The following EYS variants were observed in gnomAD, a reference collection of about 807,000 sequenced individuals.
The protein encoded by EYS is EGF-like photoreceptor maintenance factor, also known as protein eyes shut homolog.
Under a neutral mutation model 282.1 loss-of-function variants are expected in EYS, and 250 were observed. The observed-to-expected ratio is 0.89, with a 90% confidence interval of 0.80 to 0.98. The LOEUF (loss-of-function observed/expected upper bound fraction) is 0.98, where lower values mean the gene tolerates loss of function less well. EYS is among the 50% of genes least tolerant of loss of function. The pLI is 0.00. For synonymous variants in EYS, 1,355 were observed against 1,282.9 expected (o/e 1.06, Z -1.20); for missense variants, 4,016 against 3,709.0 (o/e 1.08, Z -2.15).
intron 2 of EYS, among the ~76,000 whole-genome samples, chr6:65,546,853 G>A (rs7769742): frequency 6.6e-6 from 1 of 152,082 alleles, no homozygotes; most frequent in Non-Finnish European, 1.5e-5. Flanking sequence ...CTACAGGCAT[G>A]AGCGACCACA....
chr6:63,835,210 A>G (rs1771770657), intron 36 of EYS, among the ~76,000 whole-genome samples: 1 of 151,882 alleles, frequency 6.6e-6, no homozygotes, highest in South Asian at 2.1e-4. Flanking sequence ...ATAATAAAAA[A>G]TAAAAAATAA....
At chr6:65,433,889 T>G in intron 5 of EYS, among the ~76,000 whole-genome samples, 1 of 152,208 alleles carries the variant, frequency 6.6e-6, no homozygotes, top group East Asian at 1.9e-4. Context: ...TGGGTTTAAT[T>G]TGAGAATGAG....
At chr6:63,854,892 A>G (rs1772351162) in intron 36 of EYS, among the ~76,000 whole-genome samples, 1 of 152,310 alleles carries the variant, frequency 6.6e-6, no homozygotes, top group Non-Finnish European at 1.5e-5. Flanking sequence ...TTAAAATTCT[A>G]TACATCTTCT....
chr6:65,324,264 G>A (rs1226811780), intron 11 of EYS, among the ~76,000 whole-genome samples: 1 of 152,086 alleles, frequency 6.6e-6, no homozygotes, highest in Non-Finnish European at 1.5e-5. Context: ...GTCTTCTCCT[G>A]CAAGAATGTT....
At chr6:64,125,976 G>C (rs6912545) in intron 31 of EYS, among the ~76,000 whole-genome samples, 2,888 of 150,136 alleles carry the variant, frequency 0.019, 82 homozygotes, top group African/African-American at 0.066. Context: ...GTGCAGGTTT[G>C]TTACATATGT....
intron 12 of EYS, among the ~76,000 whole-genome samples, chr6:65,137,120 G>C (rs892899434): frequency 2.6e-5 from 4 of 151,852 alleles, no homozygotes; most frequent in African/African-American, 9.7e-5. Flanking sequence ...GTCCAGATAA[G>C]AAAGTAAACA....
chr6:65,468,686 A>G (rs1054317803), intron 5 of EYS, among the ~76,000 whole-genome samples: 1 of 143,774 alleles, frequency 7.0e-6, no homozygotes, highest in Non-Finnish European at 1.6e-5. Context: ...TAAAAAACAT[A>G]TACCTTGATA....
chr6:64,874,899 T>G (rs1302974578), intron 19 of EYS, among the ~76,000 whole-genome samples: 3 of 151,954 alleles, frequency 2.0e-5, no homozygotes, highest in African/African-American at 7.2e-5. Context: ...GAGCAAAGAC[T>G]TGATATAAGG....
chr6:64,092,723 A>G (rs1772415637), intron 31 of EYS, among the ~76,000 whole-genome samples: 1 of 151,672 alleles, frequency 6.6e-6, no homozygotes, highest in African/African-American at 2.4e-5. Flanking sequence ...CTCTGATGGT[A>G]GTTTCTTTTG....
chr6:63,895,905 GTTTTTTTTTTTTT>G (rs10705427), intron 35 of EYS, among the ~76,000 whole-genome samples: 1 of 124,362 alleles, frequency 8.0e-6, no homozygotes, highest in African/African-American at 3.2e-5. Context: ...ATCATGATTT[GTTTTTTTTTTTTT>G]TTTTTTTTTT....
At chr6:65,019,079 A>G (rs952686793) in intron 13 of EYS, among the ~76,000 whole-genome samples, 1 of 152,164 alleles carries the variant, frequency 6.6e-6, no homozygotes, top group Admixed American at 6.5e-5. Context: ...TTTTGTATCA[A>G]TCCGATGATT....
intron 33 of EYS, among the ~76,000 whole-genome samples, chr6:64,000,124 C>G (rs13196997): frequency 7.1e-6 from 1 of 140,620 alleles, no homozygotes; most frequent in Non-Finnish European, 1.5e-5. Context: ...TTCGATCAGA[C>G]CTTCTTGTTT....
At chr6:64,007,914 T>C (rs1313424272) in intron 33 of EYS, among the ~76,000 whole-genome samples, 3 of 152,208 alleles carry the variant, frequency 2.0e-5, no homozygotes, top group Non-Finnish European at 4.4e-5. Context: ...AATTTTGTCA[T>C]TTATTTTAGA....
intron 12 of EYS, among the ~76,000 whole-genome samples, chr6:65,104,990 G>C (rs1196615514): frequency 6.6e-6 from 1 of 151,436 alleles, no homozygotes; most frequent in Non-Finnish European, 1.5e-5. Context: ...ATTTCTGCAG[G>C]CAAACAAAAT....
intron 19 of EYS, among the ~76,000 whole-genome samples, chr6:64,880,974 C>T (rs1583254042): frequency 6.6e-6 from 1 of 150,908 alleles, no homozygotes; most frequent in African/African-American, 2.4e-5. Flanking sequence ...TCTGTCAGAA[C>T]TTTGAGAGTT....
chr6:65,074,472 T>C (rs1361171566), intron 12 of EYS, among the ~76,000 whole-genome samples: 1 of 152,068 alleles, frequency 6.6e-6, no homozygotes, highest in African/African-American at 2.4e-5. Flanking sequence ...TATGAACGTC[T>C]CTGAGTGGCT....
At chr6:64,723,084 A>T (rs1276495858) in intron 22 of EYS, among the ~76,000 whole-genome samples, 2 of 14,636 alleles carry the variant, frequency 1.4e-4, no homozygotes, top group Non-Finnish European at 7.6e-4. Flanking sequence ...GAAAGGCCCT[A>T]AGGAAAAAAA....
At position 65,533,440 on chromosome 6, in the gene EYS, C is replaced by T. The variant is rs908712153; in HGVS notation, c.-332-37447G>A. ...GCTGGTACCATTCCTTCTGAAACTA[C>T]CCCAATCAATAGAAAAAGAGGGAAT... is the stretch of plus-strand genomic sequence containing the variant. On this transcript the variant is annotated intron_variant, in intron 2 of 42. Coordinates refer to ENST00000503581, the MANE Select transcript of EYS (RefSeq NM_001142800.2). Among the ~76,000 whole-genome samples the T allele has an allele frequency of 1.4e-4, 22 of 152,054 alleles. 1 individual carries two copies. The highest frequency in any genetic ancestry group is 5.3e-4 in the African/African-American group (22 of 41,418).
chr6:65,620,611 C>T (rs960114719), intron 2 of EYS, among the ~76,000 whole-genome samples: 1 of 150,204 alleles, frequency 6.7e-6, no homozygotes, highest in Admixed American at 6.6e-5. Flanking sequence ...AATGTGTTTG[C>T]TCTTGCTTTT....
Sources: allele counts gnomAD v4.1 joint callset (sites outside exome capture counted in the v4.1 genomes callset), GRCh38; gene constraint gnomAD v4.1.1; transcripts MANE v1.5; gene names NCBI Gene and HGNC (gene_info 2026-07-23, HGNC 2026-07-21).